TCOF1: variants seen among roughly 807,000 people sequenced by gnomAD.
TCOF1 encodes treacle ribosome biogenesis factor 1, also known as treacle protein.
A neutral mutation model predicts 149.0 loss-of-function variants in TCOF1; 33 were observed. That is an observed-to-expected ratio of 0.22 (90% CI 0.17 to 0.30). The LOEUF is 0.30. Ranked by LOEUF, TCOF1 falls within the 10% of genes least tolerant of loss-of-function variation. The pLI, the probability that TCOF1 is intolerant of heterozygous loss-of-function variation, is 1.00. For synonymous variants in TCOF1, 789 were observed against 738.8 expected, an observed-to-expected ratio of 1.07 and a Z score of -1.10; for missense variants, 1,728 against 1,840.7, an observed-to-expected ratio of 0.94 and a Z score of 1.12.
At chr5:150,359,897 A>C (rs140173508) in intron 1 of TCOF1, among the ~76,000 whole-genome samples, 69 of 152,350 alleles carry the variant, frequency 4.5e-4, no homozygotes, top group Non-Finnish European at 7.9e-4. Context: ...TAGTCAAGGA[A>C]GTCTCATTGA....
At chr5:150,364,375 G>T in intron 3 of TCOF1, 123 bp downstream of exon 3, 1 of 1,398,438 alleles carries the variant, frequency 7.2e-7, no homozygotes, top group African/African-American at 1.4e-5. Context: ...AGATTGGGAG[G>T]GCACCACATA....
chr5:150,388,990 C>T (rs1766841633), intron 18 of TCOF1, among the ~76,000 whole-genome samples: 1 of 151,388 alleles, frequency 6.6e-6, no homozygotes, highest in South Asian at 2.1e-4. Flanking sequence ...CCTGTAATCC[C>T]AGCACTTTAG....
chr5:150,385,186 C>G, intron 17 of TCOF1: 1 of 720,722 alleles, frequency 1.4e-6, no homozygotes. Context: ...TTTTTTAAGG[C>G]CAACTTCTTC....
At position 150,392,026 on chromosome 5, in the gene TCOF1, A is replaced by G; in HGVS notation, c.3367A>G (p.Asn1123Asp). The G allele has an allele frequency of 6.2e-7, 1 of 1,614,250 alleles. No individual in the cohort carries two copies. Residue 1123 changes from asparagine to aspartate, a missense_variant, in exon 21 of 27, where the codon AAC (asparagine) becomes GAC (aspartate). Asn to Asp is a conservative substitution (Grantham distance 23, BLOSUM62 1). This residue lies in a region of TCOF1 where 1,696 missense variants were observed against 1,765.4 expected (regional missense o/e 0.96). Transcript: ENST00000643257. ...CACCTCCGTCCAGGCCAAAGGGACC[A>G]ACAAGCTCAGAAAACCTAAGCTTCC... ...QSTSVQAKGTNKLRKPKLPEV... is the reference protein window; with the variant it reads ...QSTSVQAKGTDKLRKPKLPEV...
chr5:150,369,878 G>C (rs1274958417), intron 6 of TCOF1, among the ~76,000 whole-genome samples: 1 of 152,136 alleles, frequency 6.6e-6, no homozygotes, highest in Non-Finnish European at 1.5e-5. Flanking sequence ...CCTGGAGTAG[G>C]GCCTCAAAGC....
intron 2 of TCOF1, among the ~76,000 whole-genome samples, chr5:150,363,219 G>C (rs1032587024): frequency 1.3e-5 from 2 of 152,142 alleles, no homozygotes; most frequent in Non-Finnish European, 2.9e-5. Flanking sequence ...TTTTTGTTGG[G>C]GGAAAAGAGG....
chr5:150,374,208 C>T lies in TCOF1; in HGVS notation c.905C>T (p.Ala302Val), dbSNP rs1281978299. 2 of 1,612,816 alleles carry T rather than the reference C, an allele frequency of 1.2e-6. No individual in the cohort carries two copies. The highest frequency in any genetic ancestry group is 1.7e-6 in the Non-Finnish European group (2 of 1,179,612). Residue 302 changes from alanine to valine, a missense_variant, in exon 8 of 27, where the codon GCT becomes GTT. Physicochemically the swap from Ala to Val is moderately conservative, Grantham distance 64 (BLOSUM62 0). Coordinates refer to ENST00000643257, the MANE Select transcript of TCOF1 (RefSeq NM_001371623.1). The stretch of plus-strand genomic sequence containing the variant: ...TCTGAAAAAATTCTCCAGGTCAGAG[C>T]TGCCTCAGCCCCTGCCAAGGGGACC... Reference protein sequence around the residue: ...KASEKILQVRAASAPAKGTPG... With the variant: ...KASEKILQVRVASAPAKGTPG...
At chr5:150,358,866 G>A (rs1759318119) in intron 1 of TCOF1, among the ~76,000 whole-genome samples, 2 of 151,850 alleles carry the variant, frequency 1.3e-5, no homozygotes, top group African/African-American at 4.8e-5. Context: ...ATGGCAGATT[G>A]CCCTGGTCAG....
Position 150,377,308 on chromosome 5 carries a change from C to T in TCOF1, c.2340+688C>T, listed in dbSNP as rs114463985. On this transcript the variant is annotated intron_variant, in intron 14 of 26. Coordinates refer to ENST00000643257, the MANE Select transcript of TCOF1 (RefSeq NM_001371623.1). ...CCTTACTCTCCTATAAACAGGAAAT[C>T]AGCCCTCACAGGTTTGGGTGAGAAT... Among the ~76,000 whole-genome samples the T allele has an allele frequency of 3.9e-3, 591 of 152,292 alleles. 5 individuals carry two copies. Among genetic ancestry groups the T allele is most frequent in the African/African-American group, 0.013 (529 of 41,558 alleles).
At chr5:150,378,607 G>A (rs982992725) in intron 14 of TCOF1, 15 of 424,664 alleles carry the variant, frequency 3.5e-5, no homozygotes, top group Non-Finnish European at 5.6e-5. Flanking sequence ...CTTAGCTAAT[G>A]CTAAGGAAGG....
Position 150,388,039 on chromosome 5 carries a change from C to A in TCOF1, c.2997C>A (p.Ser999=). The change falls in exon 18 of 27, where the codon TCC becomes TCA. Residue 999 remains serine (S), a synonymous_variant. Transcript: ENST00000643257. ...AGAGCACAGCCAGGAGCTCCTCCTC[C>A]GAGAGCGAGGATGAGGACGTGATCC... The part of the protein sequence containing the change: ...ASESTARSSS[S]ESEDEDVIPA... The A allele has an allele frequency of 1.9e-6, 3 of 1,613,722 alleles. No homozygotes were observed. Among genetic ancestry groups the A allele is most frequent in the Non-Finnish European group, 2.5e-6 (3 of 1,180,008 alleles).
At position 150,372,126 on chromosome 5, in the gene TCOF1, G is replaced by A. The variant is rs1422514719; in HGVS notation, c.760G>A (p.Gly254Arg). 2.5e-6 allele frequency: 4 copies of A among 1,614,114 alleles called. No homozygotes were observed. The South Asian group carries it at 4.4e-5, about 18-fold the overall frequency. The change falls in exon 7 of 27, where the codon GGA becomes AGA. Residue 254 changes from glycine to arginine, a missense_variant. Transcript: ENST00000643257. ...KVGDVTPQVKGGALPPAKRAK... is the reference protein window; with the variant it reads ...KVGDVTPQVKRGALPPAKRAK... ...GGGGGATGTGACACCCCAGGTCAAA[G>A]GAGGGGCCCTGCCCCCAGCCAAGAG...
chr5:150,390,854 A>G (rs1767281195), intron 19 of TCOF1, among the ~76,000 whole-genome samples: 1 of 152,218 alleles, frequency 6.6e-6, no homozygotes, highest in South Asian at 2.1e-4. Flanking sequence ...AGGAATTCCC[A>G]GGCCAGTCAG....
intron 7 of TCOF1, among the ~76,000 whole-genome samples, chr5:150,373,822 T>C (rs1763081258): frequency 1.3e-5 from 2 of 152,208 alleles, no homozygotes; most frequent in Admixed American, 1.3e-4. Context: ...CAGAGCTCTC[T>C]GGCCAGTGGG....
Position 150,366,287 on chromosome 5 carries a change from G to A in TCOF1, c.305-1557G>A, listed in dbSNP as rs868357907. Among the ~76,000 whole-genome samples the A allele has an allele frequency of 1.5e-4, 23 of 152,032 alleles. 1 individual carries two copies. In the Middle Eastern group the frequency reaches 0.02, roughly 135 times the overall value. ...AATCATGTGAGTCCAGGCATTGGAG[G>A]TTGCAGTGAGCTATGAATGTGCCAC... On this transcript the variant is annotated intron_variant, in intron 3 of 26. Transcript: ENST00000643257.
At chr5:150,390,067 G>T in intron 19 of TCOF1, 44 bp downstream of exon 19, 1 of 1,567,106 alleles carries the variant, frequency 6.4e-7, no homozygotes, top group Non-Finnish European at 8.7e-7. Flanking sequence ...AGTGGGGTGG[G>T]GCCCTACTTC....
intron 18 of TCOF1, among the ~76,000 whole-genome samples, chr5:150,388,774 C>T (rs989504050): frequency 6.6e-6 from 1 of 151,052 alleles, no homozygotes; most frequent in Non-Finnish European, 1.5e-5. Context: ...CCCGTCTCTA[C>T]TAAAAATACA....
At chr5:150,396,146 G>A (rs191834547) in intron 23 of TCOF1, 136 bp from the exon 24 acceptor site, 499 of 1,001,808 alleles carry the variant, frequency 5.0e-4, no homozygotes, top group Admixed American at 7.5e-4. Context: ...CAGAGTGACC[G>A]CCAAGCCTTG....
In TCOF1 at chr5:150,390,017, C is replaced by A; in HGVS notation, c.3177C>A (p.Ala1059=). 6.2e-7 allele frequency: 1 copy of A among 1,609,688 alleles called. No homozygotes were observed. The highest frequency in any genetic ancestry group is 8.5e-7 in the Non-Finnish European group (1 of 1,177,946). The change falls in exon 19 of 27, where the codon GCC becomes GCA. Residue 1059 remains alanine (A), a synonymous_variant. Transcript: ENST00000643257. ...ATGGCAAGAAACAGGAGGGACCAGC[C>A]ACTCAGGTACCTGGTGGGCAAGGGA... is the stretch of plus-strand genomic sequence containing the variant. ...ISDGKKQEGP[A]TQVSKKNPAS...
Sources: allele counts gnomAD v4.1 joint callset (sites outside exome capture counted in the v4.1 genomes callset), GRCh38; gene constraint gnomAD v4.1.1; regional missense constraint gnomAD v4.1.1; transcripts MANE v1.5; gene names NCBI Gene and HGNC (gene_info 2026-07-23, HGNC 2026-07-21).